The following SRSF11 variants were observed in gnomAD, a reference collection of about 807,000 sequenced individuals.
SRSF11 encodes serine/arginine-rich splicing factor 11.
In SRSF11, 9 loss-of-function variants were observed where a neutral mutation model predicts 56.0. That is an observed-to-expected ratio of 0.16 (90% CI 0.10 to 0.28). The LOEUF (loss-of-function observed/expected upper bound fraction) is 0.28. Ranked by LOEUF, SRSF11 falls within the 10% of genes least tolerant of loss-of-function variation. The probability of loss-of-function intolerance (pLI) is 1.00; values close to 1 mark genes in which losing one functional copy is unlikely to be tolerated. For missense variants in SRSF11, 421 were observed against 600.7 expected (o/e 0.70, Z 3.13); for synonymous variants, 222 against 215.3 (o/e 1.03, Z -0.27).
chr1:70,206,925 C>T (rs1669095388), intron 1 of SRSF11, among the ~76,000 whole-genome samples: 2 of 130,980 alleles, frequency 1.5e-5, no homozygotes, highest in African/African-American at 2.9e-5. Flanking sequence ...AAAGTCTGGT[C>T]TGTCGCCTAG....
intron 7 of SRSF11, 110 bp from the exon 8 acceptor site, chr1:70,244,574 C>G: frequency 8.7e-7 from 1 of 1,146,258 alleles, no homozygotes; most frequent in East Asian, 2.5e-5. Context: ...GAATTATCCC[C>G]CATTTAATTG....
At chr1:70,208,480 C>T (rs969586571) in intron 1 of SRSF11, among the ~76,000 whole-genome samples, 1 of 152,046 alleles carries the variant, frequency 6.6e-6, no homozygotes, top group Non-Finnish European at 1.5e-5. Flanking sequence ...ATTACAGGTA[C>T]GCACCACCAC....
chr1:70,205,743 C>A, exon 1 of SRSF11: 1 of 482,238 alleles, frequency 2.1e-6, no homozygotes, highest in Non-Finnish European at 3.7e-6. Flanking sequence ...TTTTCCGTTG[C>A]CGGTGCCGGC....
At position 70,226,205 on chromosome 1, in the gene SRSF11, T is replaced by A. The variant is rs1412530041; in HGVS notation, c.204-2217T>A. Reference sequence around the variant, plus strand: ...AAACTCCATCTCAAAAAAAAAAAAATTTTAATCGAAAAAATGTTAAGAATG... The same window carrying A: ...AAACTCCATCTCAAAAAAAAAAAAAATTTAATCGAAAAAATGTTAAGAATG... On this transcript the variant is annotated intron_variant, in intron 1 of 11. Coordinates refer to ENST00000370949, the MANE Select transcript of SRSF11 (RefSeq NM_001350605.2). Among the ~76,000 whole-genome samples, 9 of 151,290 alleles carry A rather than the reference T, an allele frequency of 5.9e-5. No homozygotes were observed. The South Asian group carries it at 8.4e-4, about 14-fold the overall frequency.
chr1:70,233,045 A>G (rs1487696264), intron 3 of SRSF11, among the ~76,000 whole-genome samples: 1 of 152,188 alleles, frequency 6.6e-6, no homozygotes, highest in Non-Finnish European at 1.5e-5. Flanking sequence ...TTGCCTGTCT[A>G]AATAATTGAC....
intron 1 of SRSF11, among the ~76,000 whole-genome samples, chr1:70,214,331 C>G (rs1461651071): frequency 6.6e-6 from 1 of 151,106 alleles, no homozygotes; most frequent in Non-Finnish European, 1.5e-5. Flanking sequence ...TCTTTTGAGC[C>G]GATTAAACAA....
At chr1:70,215,624 A>G (rs896600090) in intron 1 of SRSF11, among the ~76,000 whole-genome samples, 4 of 152,134 alleles carry the variant, frequency 2.6e-5, no homozygotes, top group African/African-American at 9.7e-5. Context: ...AATTTCATAA[A>G]AGGCCTGTTG....
upstream of SRSF11, chr1:70,220,940 A>T (rs896905568): frequency 1.3e-5 from 2 of 152,176 alleles, no homozygotes; most frequent in African/African-American, 2.4e-5. Flanking sequence ...TTTTAGTGAC[A>T]AAACAAATTA....
chr1:70,217,072 G>T (rs1315773536), upstream of SRSF11, among the ~76,000 whole-genome samples: 1 of 151,932 alleles, frequency 6.6e-6, no homozygotes, highest in African/African-American at 2.4e-5. Context: ...CACTTTTTCC[G>T]CCATCCCCTG....
At chr1:70,242,742 C>T (rs978073134) in intron 7 of SRSF11, among the ~76,000 whole-genome samples, 3 of 152,094 alleles carry the variant, frequency 2.0e-5, no homozygotes, top group African/African-American at 4.8e-5. Context: ...AGAAAAGTGA[C>T]GGTAGTACAT....
upstream of SRSF11, among the ~76,000 whole-genome samples, chr1:70,219,287 A>G (rs537062099): frequency 6.6e-6 from 1 of 152,324 alleles, no homozygotes; most frequent in African/African-American, 2.4e-5. Flanking sequence ...GTGAGTATTC[A>G]TGGGGAATTG....
chr1:70,236,144 G>A (rs973954413), intron 5 of SRSF11, among the ~76,000 whole-genome samples: 1 of 151,870 alleles, frequency 6.6e-6, no homozygotes, highest in Non-Finnish European at 1.5e-5. Context: ...GTAGTTAGTG[G>A]ACTTTTTTCT....
At chr1:70,242,084 G>A (rs1675554824) in intron 7 of SRSF11, among the ~76,000 whole-genome samples, 1 of 151,204 alleles carries the variant, frequency 6.6e-6, no homozygotes, top group South Asian at 2.1e-4. Flanking sequence ...CAGGAGAATC[G>A]CTTGAACCCC....
intron 7 of SRSF11, among the ~76,000 whole-genome samples, chr1:70,242,313 C>T (rs1321812800): frequency 6.6e-6 from 1 of 151,792 alleles, no homozygotes; most frequent in Non-Finnish European, 1.5e-5. Flanking sequence ...TGTAATACAT[C>T]GTAACAGAAA....
chr1:70,228,969 T>C, intron 2 of SRSF11: 7 of 984,562 alleles, frequency 7.1e-6, no homozygotes, highest in Non-Finnish European at 8.4e-6. Flanking sequence ...GATTTTATTT[T>C]CTTAAAGCTT....
Position 70,237,559 on chromosome 1 carries a change from A to C in SRSF11, c.718+7A>C. 6.2e-7 allele frequency: 1 copy of C among 1,607,414 alleles called. No individual in the cohort carries two copies. The highest frequency in any genetic ancestry group is 8.5e-7 in the Non-Finnish European group (1 of 1,178,464). On this transcript the variant is annotated splice_region_variant and intron_variant, in intron 6 of 11. Coordinates refer to ENST00000370949, the MANE Select transcript of SRSF11 (RefSeq NM_001350605.2). ...TCTGCTGCTATAGAACCAGGTAAACAATGTTTATGCAATTTTGTTGTGTGA... is the reference window on the plus strand; with the variant it reads ...TCTGCTGCTATAGAACCAGGTAAACCATGTTTATGCAATTTTGTTGTGTGA...
At chr1:70,242,906 C>T (rs1464744653) in intron 7 of SRSF11, among the ~76,000 whole-genome samples, 1 of 152,014 alleles carries the variant, frequency 6.6e-6, no homozygotes, top group African/African-American at 2.4e-5. Flanking sequence ...ACTTACTTCC[C>T]ATGTCTTTGT....
At chr1:70,217,470 A>T (rs899085348), upstream of SRSF11, among the ~76,000 whole-genome samples, 1 of 151,970 alleles carries the variant, frequency 6.6e-6, no homozygotes, top group Non-Finnish European at 1.5e-5. Context: ...TTGTTTTTTT[A>T]TTGAAAGTCT....
intron 1 of SRSF11, among the ~76,000 whole-genome samples, chr1:70,211,456 A>G (rs534888640): frequency 2.0e-5 from 3 of 152,320 alleles, no homozygotes; most frequent in African/African-American, 7.2e-5. Context: ...TACAGTTTTA[A>G]TAAGACATGA....
Sources: allele counts gnomAD v4.1 joint callset (sites outside exome capture counted in the v4.1 genomes callset), GRCh38; gene constraint gnomAD v4.1.1; transcripts MANE v1.5; gene names NCBI Gene and HGNC (gene_info 2026-07-23, HGNC 2026-07-21).